GPR158: variants seen among roughly 807,000 people sequenced by gnomAD.
GPR158 encodes metabotropic glycine receptor.
In GPR158, 30 loss-of-function variants were observed where a neutral mutation model predicts 78.2. That is an observed-to-expected ratio of 0.38 (90% CI 0.29 to 0.52). GPR158 has a LOEUF of 0.52. Ranked by LOEUF, GPR158 falls within the 20% of genes least tolerant of loss-of-function variation. The pLI is 0.83. For missense variants in GPR158, 1,463 were observed against 1,523.5 expected (o/e 0.96, Z 0.66); for synonymous variants, 581 against 591.1 (o/e 0.98, Z 0.25).
At chr10:25,571,943 A>ATTAT (rs1837014734) in intron 6 of GPR158, among the ~76,000 whole-genome samples, 1 of 152,182 alleles carries the variant, frequency 6.6e-6, no homozygotes, top group Non-Finnish European at 1.5e-5. Flanking sequence ...ATTACTTCAT[A>ATTAT]TTATTTTTGG....
At chr10:25,351,710 C>A (rs199965334) in intron 2 of GPR158, among the ~76,000 whole-genome samples, 1 of 135,436 alleles carries the variant, frequency 7.4e-6, no homozygotes, top group African/African-American at 2.7e-5. Context: ...GTTTTTCTTT[C>A]TTTTTTTTTT....
At chr10:25,538,930 CT>C (rs1364089835) in intron 5 of GPR158, among the ~76,000 whole-genome samples, 4 of 152,114 alleles carry the variant, frequency 2.6e-5, no homozygotes, top group African/African-American at 9.7e-5. Flanking sequence ...TCATATGTTT[CT>C]TTGTTTATTA....
rs971039102 is a variant in GPR158 at position 25,517,624 on chromosome 10, G to A, written c.1405-33352G>A. On this transcript the variant is annotated intron_variant, in intron 5 of 10. Coordinates refer to ENST00000376351, the MANE Select transcript of GPR158 (RefSeq NM_020752.3). ...CAAAGGCCTTTTCTGCATCTATTGAGATAATCATGTGGTTTTTGTCTTTAG... is the reference window on the plus strand; with the variant it reads ...CAAAGGCCTTTTCTGCATCTATTGAAATAATCATGTGGTTTTTGTCTTTAG... Among the ~76,000 whole-genome samples, 437 of 152,166 alleles carry A rather than the reference G, an allele frequency of 2.9e-3. 2 individuals carry two copies. The highest frequency in any genetic ancestry group is 0.01 in the African/African-American group (422 of 41,476).
chr10:25,479,412 T>C (rs1201291569), intron 5 of GPR158, among the ~76,000 whole-genome samples: 1 of 152,086 alleles, frequency 6.6e-6, no homozygotes, highest in Non-Finnish European at 1.5e-5. Flanking sequence ...CTCCTGTAGG[T>C]GACCTGATAC....
At chr10:25,427,199 A>T (rs1834836206) in intron 4 of GPR158, among the ~76,000 whole-genome samples, 1 of 152,120 alleles carries the variant, frequency 6.6e-6, no homozygotes, top group South Asian at 2.1e-4. Flanking sequence ...ACGATATAGC[A>T]GTGGGTGTGA....
rs141069877 is a variant in GPR158, at chr10:25,327,251, A to AACACACACACAC, written c.1009-68650_1009-68639dup. On this transcript the variant is annotated intron_variant, in intron 2 of 10. Transcript: ENST00000376351. ...CTGCCTTATACACAGGACACTTACA[A>AACACACACACAC]ACACACACACACACACACACAGAAA... 2.2e-3 allele frequency among the ~76,000 whole-genome samples: 328 copies of AACACACACACAC among 149,166 alleles called. 1 individual carries two copies. The highest frequency in any genetic ancestry group is 7.2e-3 in the African/African-American group (295 of 40,842).
intron 4 of GPR158, among the ~76,000 whole-genome samples, chr10:25,463,517 A>G (rs1177831240): frequency 6.6e-6 from 1 of 152,162 alleles, no homozygotes; most frequent in Non-Finnish European, 1.5e-5. Flanking sequence ...TTTTGTATAA[A>G]TAGTGTCATA....
chr10:25,266,845 T>A (rs1451535656), intron 2 of GPR158, among the ~76,000 whole-genome samples: 1 of 152,212 alleles, frequency 6.6e-6, no homozygotes, highest in Non-Finnish European at 1.5e-5. Flanking sequence ...TAACCTTTTT[T>A]GTCCATGAAA....
rs140962342 is a variant in GPR158, at chr10:25,579,877, A to G, written c.1753+6990A>G. Among the ~76,000 whole-genome samples the G allele has an allele frequency of 2.1e-3, 322 of 152,286 alleles. 12 individuals carry two copies. In the South Asian group the frequency reaches 0.047, roughly 22 times the overall value. Reference sequence around the variant, plus strand: ...CTATCTAGGCTTCTATTCATCCTCTATCATCTCCTGTAATTCTTTCTTTCT... The same window carrying G: ...CTATCTAGGCTTCTATTCATCCTCTGTCATCTCCTGTAATTCTTTCTTTCT... On this transcript the variant is annotated intron_variant, in intron 7 of 10. Transcript: ENST00000376351.
At chr10:25,380,581 T>G (rs2130564372) in intron 2 of GPR158, among the ~76,000 whole-genome samples, 1 of 152,298 alleles carries the variant, frequency 6.6e-6, no homozygotes, top group Non-Finnish European at 1.5e-5. Context: ...TAGTTGTAAG[T>G]TACATTCATC....
intron 6 of GPR158, among the ~76,000 whole-genome samples, chr10:25,565,630 A>C (rs1216525148): frequency 1.6e-4 from 25 of 152,140 alleles, no homozygotes; most frequent in Admixed American, 1.6e-3. Flanking sequence ...TTTTGAGATG[A>C]TTTTGCTACT....
intron 2 of GPR158, among the ~76,000 whole-genome samples, chr10:25,329,413 C>T (rs569556050): frequency 2.7e-5 from 4 of 150,352 alleles, no homozygotes; most frequent in African/African-American, 9.8e-5. Flanking sequence ...GCACTCCAGC[C>T]TGGGCAACAG....
At chr10:25,541,520 ATGT>A (rs1471090725) in intron 5 of GPR158, among the ~76,000 whole-genome samples, 4 of 151,950 alleles carry the variant, frequency 2.6e-5, no homozygotes, top group African/African-American at 7.2e-5. Flanking sequence ...ATAAGTCTTA[ATGT>A]TGTGCCTTTC....
chr10:25,486,949 C>T (rs2130642826), intron 5 of GPR158, among the ~76,000 whole-genome samples: 1 of 152,090 alleles, frequency 6.6e-6, no homozygotes, highest in Non-Finnish European at 1.5e-5. Flanking sequence ...CTGTTAATAC[C>T]TTGGAAAAGG....
In GPR158 at chr10:25,502,730, G is replaced by C. The variant is rs148990630; in HGVS notation, c.1404+36011G>C. On this transcript the variant is annotated intron_variant, in intron 5 of 10. Transcript: ENST00000376351. Reference sequence around the variant, plus strand: ...GTGAATAAATTTCAAGCAAGGAAAGGCTCTGAGGTACATTTGCAGCTTCTC... The same window carrying C: ...GTGAATAAATTTCAAGCAAGGAAAGCCTCTGAGGTACATTTGCAGCTTCTC... Among the ~76,000 whole-genome samples the C allele has an allele frequency of 9.1e-4, 138 of 152,236 alleles. 2 individuals are homozygous for C. The South Asian group carries it at 0.023, about 25-fold the overall frequency.
At chr10:25,344,228 G>T (rs1855341266) in intron 2 of GPR158, among the ~76,000 whole-genome samples, 2 of 151,340 alleles carry the variant, frequency 1.3e-5, no homozygotes, top group South Asian at 4.2e-4. Flanking sequence ...TTTCGCGTTG[G>T]GGCTAAAGAT....
intron 1 of GPR158, among the ~76,000 whole-genome samples, chr10:25,192,253 T>C (rs1432621707): frequency 2.6e-5 from 4 of 152,178 alleles, no homozygotes; most frequent in Admixed American, 6.5e-5. Flanking sequence ...ATGAAGAAGG[T>C]GCCTTGCTTC....
chr10:25,248,627 G>A (rs1453178283), intron 2 of GPR158, among the ~76,000 whole-genome samples: 28 of 150,904 alleles, frequency 1.9e-4, no homozygotes, highest in East Asian at 9.7e-4. Flanking sequence ...ACAGTTGTAG[G>A]TATGCGGCGT....
At chr10:25,182,648 C>T (rs1036158408) in intron 1 of GPR158, among the ~76,000 whole-genome samples, 19 of 152,208 alleles carry the variant, frequency 1.2e-4, no homozygotes, top group African/African-American at 4.6e-4. Flanking sequence ...CTTTCAACTC[C>T]AGAAAGGCAG....
Sources: allele counts gnomAD v4.1 joint callset (sites outside exome capture counted in the v4.1 genomes callset), GRCh38; gene constraint gnomAD v4.1.1; transcripts MANE v1.5; gene names NCBI Gene and HGNC (gene_info 2026-07-23, HGNC 2026-07-21).